The following GDA variants were observed in gnomAD, a reference collection of about 807,000 sequenced individuals.
GDA encodes guanine deaminase, also known as cytoplasmic PSD-95 interactor.
GDA carries 18 observed loss-of-function variants against 59.6 expected under a neutral mutation model. The ratio of observed to expected loss-of-function variants is 0.30; its 90% CI spans 0.21 to 0.45. GDA has a LOEUF of 0.45. GDA is among the 20% of genes least tolerant of loss of function. The pLI is 1.00. For synonymous variants in GDA, 201 were observed against 201.1 expected, an observed-to-expected ratio of 1.00 and a Z score of 0.00; for missense variants, 427 against 552.3, an observed-to-expected ratio of 0.77 and a Z score of 2.27.
At chr9:72,166,602 A>G (rs1473942422) in intron 1 of GDA, among the ~76,000 whole-genome samples, 1 of 152,220 alleles carries the variant, frequency 6.6e-6, no homozygotes, top group Non-Finnish European at 1.5e-5. Context: ...ATCATTACAT[A>G]TTCTATGCAT....
At chr9:72,135,218 G>A (rs77639236) in intron 1 of GDA, among the ~76,000 whole-genome samples, 17,751 of 150,676 alleles carry the variant, frequency 0.12, 2,118 homozygotes, top group African/African-American at 0.31. Flanking sequence ...CATGGCCTAC[G>A]TACGTGTGTG....
downstream of GDA, chr9:72,257,659 C>G (rs61746146): frequency 1.3e-5 from 2 of 152,332 alleles, no homozygotes; most frequent in Non-Finnish European, 1.5e-5. Context: ...TAGTGGCTCA[C>G]GCCTGTAATC....
chr9:72,248,338 T>C lies in GDA; in HGVS notation c.1361T>C (p.Val454Ala). ...GKQVVPFSSS[V>A] Reference sequence around the variant, plus strand: ...CAGGTGGTTCCGTTTTCCAGCTCAGTGTAAGACCCTCGGGCGTCTACAAAG... The same window carrying C: ...CAGGTGGTTCCGTTTTCCAGCTCAGCGTAAGACCCTCGGGCGTCTACAAAG... The change falls in exon 14 of 14, where the codon GTG becomes GCG. Residue 454 changes from valine (V) to alanine (A), a missense_variant. Val to Ala is a moderately conservative substitution (Grantham distance 64). Coordinates refer to ENST00000358399, the MANE Select transcript of GDA (RefSeq NM_004293.5). 1 of 1,613,690 alleles carries C rather than the reference T, an allele frequency of 6.2e-7. No individual in the cohort carries two copies. Among genetic ancestry groups the C allele is most frequent in the Non-Finnish European group, 8.5e-7 (1 of 1,179,616 alleles).
In GDA at chr9:72,160,022, G is replaced by A. The variant is rs563571621; in HGVS notation, c.123+10340G>A. 1.1e-4 allele frequency among the ~76,000 whole-genome samples: 16 copies of A among 152,150 alleles called. No homozygotes were observed. In the East Asian group the frequency reaches 1.9e-3, roughly 18 times the overall value. On this transcript the variant is annotated intron_variant, in intron 1 of 13. Coordinates refer to ENST00000358399, the MANE Select transcript of GDA (RefSeq NM_004293.5). Reference sequence around the variant, plus strand: ...TAGTTCAAGAATATATTCATCAGCCGGGCGCGGTGGCTCATGCCTATAATC... The same window carrying A: ...TAGTTCAAGAATATATTCATCAGCCAGGCGCGGTGGCTCATGCCTATAATC...
intron 1 of GDA, among the ~76,000 whole-genome samples, chr9:72,165,106 T>G (rs548522929): frequency 1.3e-5 from 2 of 152,320 alleles, no homozygotes; most frequent in African/African-American, 4.8e-5. Flanking sequence ...TGAATCACAA[T>G]TCACTTGTGC....
downstream of GDA, among the ~76,000 whole-genome samples, chr9:72,256,676 G>A (rs1305245699): frequency 6.6e-6 from 1 of 152,198 alleles, no homozygotes; most frequent in Non-Finnish European, 1.5e-5. Context: ...AGAATGAAGT[G>A]GATGAATCCA....
At position 72,150,333 on chromosome 9, in the gene GDA, A is replaced by G. The variant is rs377476144; in HGVS notation, c.123+651A>G. On this transcript the variant is annotated intron_variant, in intron 1 of 13. Transcript: ENST00000358399. ...CACACACGCGTACACACACACACACACACGCACGCACACACACACACACAC... is the reference window on the plus strand; with the variant it reads ...CACACACGCGTACACACACACACACGCACGCACGCACACACACACACACAC... 4.5e-3 allele frequency among the ~76,000 whole-genome samples: 678 copies of G among 150,962 alleles called. 6 individuals carry two copies. The highest frequency in any genetic ancestry group is 0.016 in the African/African-American group (640 of 40,886).
chr9:72,206,931 A>G (rs1009674981), intron 3 of GDA, among the ~76,000 whole-genome samples: 4 of 151,694 alleles, frequency 2.6e-5, no homozygotes, highest in African/African-American at 9.7e-5. Flanking sequence ...ATTATCAAAA[A>G]TGGCTTTACT....
intron 1 of GDA, among the ~76,000 whole-genome samples, chr9:72,151,474 T>C (rs112749908): frequency 6.6e-6 from 1 of 152,182 alleles, no homozygotes; most frequent in Admixed American, 6.5e-5. Flanking sequence ...ATGGAGAGTA[T>C]CTTACTTTTA....
intron 1 of GDA, among the ~76,000 whole-genome samples, chr9:72,175,464 C>T (rs902797073): frequency 2.6e-5 from 4 of 152,160 alleles, no homozygotes; most frequent in Admixed American, 1.3e-4. Flanking sequence ...AGATCATGGA[C>T]TCTGTTTTGG....
chr9:72,250,924 A>G lies in GDA; in HGVS notation c.*2582A>G. On this transcript the variant is annotated 3_prime_UTR_variant, in exon 14 of 14. Transcript: ENST00000358399. ...GAACACAAAAGCAGGCTAGTCAGCT[A>G]AGGTAAATTTCATTTTCAAACGAGA... 1 of 1,165,138 alleles carries G rather than the reference A, an allele frequency of 8.6e-7. No individual in the cohort carries two copies. Among genetic ancestry groups the G allele is most frequent in the Admixed American group, 2.0e-5 (1 of 51,168 alleles). The allele number at this position is 1,165,138 out of a possible 1,614,324, so 72.2% of individuals were successfully genotyped here.
In GDA at chr9:72,231,180, A is replaced by T. The variant is rs1388084056; in HGVS notation, c.987A>T (p.Thr329=). Residue 329 remains threonine, a splice_region_variant and synonymous_variant, in exon 10 of 14, where the codon ACA becomes ACT. Transcript: ENST00000358399. The part of the protein sequence containing the change: ...LKHEVKIGLG[T]DVAGGYSYSM... ...ATGAAGTCAAGATAGGGCTGGGTACAGGTTAGTAGTTCACCATTTGGAGCT... is the reference window on the plus strand; with the variant it reads ...ATGAAGTCAAGATAGGGCTGGGTACTGGTTAGTAGTTCACCATTTGGAGCT... 2 of 1,528,982 alleles carry T rather than the reference A, an allele frequency of 1.3e-6. No homozygotes were observed. Among genetic ancestry groups the T allele is most frequent in the Non-Finnish European group, 1.8e-6 (2 of 1,102,500 alleles). 94.7% of individuals were successfully genotyped at this position (1,528,982 alleles called of 1,614,324 possible).
downstream of GDA, among the ~76,000 whole-genome samples, chr9:72,252,729 G>A (rs994927233): frequency 5.3e-5 from 8 of 152,174 alleles, no homozygotes; most frequent in Non-Finnish European, 1.5e-5. Flanking sequence ...CAATTCAGAA[G>A]CAATATTCCA....
At chr9:72,138,191 T>A (rs1826313402) in intron 1 of GDA, among the ~76,000 whole-genome samples, 1 of 152,188 alleles carries the variant, frequency 6.6e-6, no homozygotes, top group Admixed American at 6.5e-5. Context: ...GCCCATTGTA[T>A]GAGGGTGAAG....
At position 72,250,481 on chromosome 9, in the gene GDA, A is replaced by G; in HGVS notation, c.*2139A>G. Reference sequence around the variant, plus strand: ...GACCTGAATATCTTTCCTAGTAAAAATAGGATGTGTTGAAATATTTATATG... The same window carrying G: ...GACCTGAATATCTTTCCTAGTAAAAGTAGGATGTGTTGAAATATTTATATG... On this transcript the variant is annotated 3_prime_UTR_variant, in exon 14 of 14. Coordinates refer to ENST00000358399, the MANE Select transcript of GDA (RefSeq NM_004293.5). The G allele has an allele frequency of 7.5e-7, 1 of 1,336,154 alleles. No homozygotes were observed. Among genetic ancestry groups the G allele is most frequent in the Non-Finnish European group, 9.6e-7 (1 of 1,040,982 alleles). 82.8% of individuals were successfully genotyped at this position (1,336,154 alleles called of 1,614,324 possible). A position where few individuals can be genotyped will look rare whatever the true frequency, so the allele number is the denominator to read the frequency against.
intron 1 of GDA, among the ~76,000 whole-genome samples, chr9:72,159,491 A>G (rs1192841126): frequency 6.6e-6 from 1 of 152,226 alleles, no homozygotes; most frequent in Non-Finnish European, 1.5e-5. Flanking sequence ...GTTTATTTAC[A>G]GCCCATTGAT....
At chr9:72,200,820 G>C (rs1833897185) in intron 2 of GDA, among the ~76,000 whole-genome samples, 1 of 152,158 alleles carries the variant, frequency 6.6e-6, no homozygotes, top group African/African-American at 2.4e-5. Context: ...ATTTGTCACA[G>C]TTCTTTATTT....
At position 72,248,828 on chromosome 9, in the gene GDA, T is replaced by G. The variant is rs1840415941; in HGVS notation, c.*486T>G. 1 of 988,220 alleles carries G rather than the reference T, an allele frequency of 1.0e-6. No homozygotes were observed. The highest frequency in any genetic ancestry group is 5.7e-5 in the Admixed American group (1 of 17,522). The allele number at this position is 988,220 out of a possible 1,614,324, so 61.2% of individuals were successfully genotyped here. On this transcript the variant is annotated 3_prime_UTR_variant, in exon 14 of 14. Coordinates refer to ENST00000358399, the MANE Select transcript of GDA (RefSeq NM_004293.5). ...AATCACTTCAGATTGTGTTTGAAAA[T>G]TATATACTGAGCATACTAATTTAAA...
chr9:72,139,919 T>C (rs1225104880), intron 1 of GDA, among the ~76,000 whole-genome samples: 1 of 152,236 alleles, frequency 6.6e-6, no homozygotes, highest in East Asian at 1.9e-4. Flanking sequence ...TATCAGTTAG[T>C]TGTAGGTAAC....
Sources: gnomAD v4.1 joint callset for allele counts (sites outside exome capture counted in the v4.1 genomes callset) on GRCh38, gnomAD v4.1.1 for gene constraint, MANE v1.5 for transcripts, NCBI Gene and HGNC (gene_info 2026-07-23, HGNC 2026-07-21) for gene names.